The following ZNF226 variants were observed in gnomAD, a reference collection of about 807,000 sequenced individuals.
ZNF226 encodes zinc finger protein 226, also known as Kruppel-associated box protein.
Under a neutral mutation model 11.4 loss-of-function variants are expected in ZNF226, and 6 were observed. The ratio of observed to expected loss-of-function variants is 0.53; its 90% confidence interval spans 0.29 to 1.04. The LOEUF is 1.04. Ranked by LOEUF, ZNF226 falls within the 50% of genes least tolerant of loss-of-function variation. The pLI is 0.08. For synonymous variants in ZNF226, 350 were observed against 322.8 expected (o/e 1.08, Z -0.90); for missense variants, 1,058 against 956.5 (o/e 1.11, Z -1.40).
chr19:44,188,056 T>G, the ZNF226 span, among the ~76,000 whole-genome samples: 314 of 152,282 alleles, frequency 2.1e-3, 1 homozygote, highest in South Asian at 7.2e-3. Flanking sequence ...TGGTCTATCT[T>G]GGAGAATGTT....
intron 4 of ZNF226, chr19:44,172,658 A>G (rs1159199390): frequency 1.8e-6 from 1 of 550,636 alleles, no homozygotes; most frequent in Admixed American, 3.5e-5. Context: ...TAGGTTATTC[A>G]AACTTGGTTT....
At chr19:44,166,814 C>T (rs1471559476) in intron 2 of ZNF226, 1 of 152,180 alleles carries the variant, frequency 6.6e-6, no homozygotes, top group Non-Finnish European at 1.5e-5. Flanking sequence ...TTGAGCCCTA[C>T]CGAAGGCCTT....
chr19:44,179,718 T>TG (rs1970877986), downstream of ZNF226, among the ~76,000 whole-genome samples: 1 of 152,012 alleles, frequency 6.6e-6, no homozygotes, highest in Admixed American at 6.6e-5. Context: ...TTGGTCTGAT[T>TG]GGGGGAAATG....
the ZNF226 span, among the ~76,000 whole-genome samples, chr19:44,199,293 G>A: frequency 6.6e-6 from 1 of 151,530 alleles, no homozygotes; most frequent in African/African-American, 2.4e-5. Context: ...TCCAGCCTCT[G>A]CCTCCCAAGT....
rs1262041837 is a variant in ZNF226 at position 44,177,471 on chromosome 19, A to G, written c.2209A>G (p.Ser737Gly). Reference protein sequence around the residue: ...YKCDVCGKVFSRSSQLQSHQR... With the variant: ...YKCDVCGKVFGRSSQLQSHQR... ...ATGTGATGTGTGTGGTAAAGTCTTC[A>G]GTCGGTCTTCACAACTACAGTCTCA... Residue 737 changes from serine to glycine, a missense_variant, in exon 6 of 6, where the codon AGT (serine) becomes GGT (glycine). Coordinates refer to ENST00000337433, the MANE Select transcript of ZNF226 (RefSeq NM_001032373.2). 2.5e-6 allele frequency: 4 copies of G among 1,614,240 alleles called. No homozygotes were observed. The highest frequency in any genetic ancestry group is 3.3e-5 in the Admixed American group (2 of 60,024).
At position 44,170,113 on chromosome 19, in the gene ZNF226, T is replaced by G. The variant is rs750622394; in HGVS notation, c.15+18T>G. On this transcript the variant is annotated intron_variant, in intron 3 of 5. Coordinates refer to ENST00000337433, the MANE Select transcript of ZNF226 (RefSeq NM_001032373.2). ...TGTTCAAGGTGAGTAGAGCTTGCCT[T>G]TCCCAGCTGTTAAAAATACCATTTT... is the stretch of plus-strand genomic sequence containing the variant. 1 of 1,611,172 alleles carries G rather than the reference T, an allele frequency of 6.2e-7. No homozygotes were observed. Among genetic ancestry groups the G allele is most frequent in the South Asian group, 1.1e-5 (1 of 90,628 alleles).
intron 3 of ZNF226, among the ~76,000 whole-genome samples, chr19:44,171,389 C>T (rs1056849387): frequency 6.6e-6 from 1 of 152,086 alleles, no homozygotes; most frequent in African/African-American, 2.4e-5. Context: ...CTCAGTCATA[C>T]CCTGTGTGTT....
At chr19:44,186,070 A>T in the ZNF226 span, among the ~76,000 whole-genome samples, 1 of 152,048 alleles carries the variant, frequency 6.6e-6, no homozygotes, top group African/African-American at 2.4e-5. Context: ...TTGGTTATAT[A>T]TGCAGGGGTT....
the ZNF226 span, among the ~76,000 whole-genome samples, chr19:44,199,322 G>T: frequency 1.2e-4 from 18 of 150,266 alleles, no homozygotes; most frequent in Non-Finnish European, 2.4e-4. Context: ...CTACAGGCAC[G>T]TGCCACCACA....
downstream of ZNF226, among the ~76,000 whole-genome samples, chr19:44,181,168 CAG>C (rs1189542344): frequency 6.6e-6 from 1 of 152,112 alleles, no homozygotes; most frequent in African/African-American, 2.4e-5. Context: ...CTCTTGAGCT[CAG>C]GGGTTCAAGA....
intron 5 of ZNF226, chr19:44,175,090 G>A: frequency 1.2e-6 from 2 of 1,602,600 alleles, no homozygotes; most frequent in South Asian, 2.2e-5. Context: ...AAGAAATGTT[G>A]GAAGGACTCA....
chr19:44,182,374 AACAC>A (rs750892375), downstream of ZNF226, among the ~76,000 whole-genome samples: 9 of 140,952 alleles, frequency 6.4e-5, no homozygotes, highest in Admixed American at 2.8e-4. Flanking sequence ...CACACACACA[AACAC>A]ACACACCTCA....
intron 5 of ZNF226, chr19:44,175,068 C>A: frequency 6.2e-7 from 1 of 1,607,968 alleles, no homozygotes; most frequent in South Asian, 1.1e-5. Context: ...TGTTGGAAGT[C>A]ATTTATATAT....
chr19:44,172,496 G>A, intron 4 of ZNF226: 1 of 391,190 alleles, frequency 2.6e-6, no homozygotes, highest in Non-Finnish European at 4.5e-6. Context: ...CTTATTGAAT[G>A]TCATCAGCAG....
At chr19:44,199,269 G>A in the ZNF226 span, among the ~76,000 whole-genome samples, 944 of 151,312 alleles carry the variant, frequency 6.2e-3, 6 homozygotes, top group Admixed American at 0.013. Flanking sequence ...CTGCCTCCCC[G>A]GCTCAAGTGA....
chr19:44,189,239 CG>C, the ZNF226 span, among the ~76,000 whole-genome samples: 1 of 152,082 alleles, frequency 6.6e-6, no homozygotes, highest in Non-Finnish European at 1.5e-5. Flanking sequence ...AAGAAAGATA[CG>C]AAGTAAAATT....
chr19:44,175,400 C>T (rs529267441), intron 5 of ZNF226, 98 bp from the exon 6 acceptor site: 1 of 1,461,352 alleles, frequency 6.8e-7, no homozygotes, highest in Non-Finnish European at 9.0e-7. Context: ...CAGAACTATC[C>T]CGAGGTTCAT....
At chr19:44,188,593 A>C in the ZNF226 span, among the ~76,000 whole-genome samples, 1 of 152,196 alleles carries the variant, frequency 6.6e-6, no homozygotes, top group Non-Finnish European at 1.5e-5. Flanking sequence ...AAGGGACTTG[A>C]GTATCCATGG....
chr19:44,176,459 C>T lies in ZNF226; in HGVS notation c.1197C>T (p.Ser399=). Residue 399 remains serine, a synonymous_variant, in exon 6 of 6, where the codon AGC becomes AGT. Coordinates refer to ENST00000337433, the MANE Select transcript of ZNF226 (RefSeq NM_001032373.2). ...KPFKCDACGK[S]FSRNSHLQSH... is the part of the protein sequence containing the mutation. ...TCAAATGTGATGCATGTGGTAAGAG[C>T]TTCAGTCGGAATTCACATCTTCAAT... 1 of 1,614,024 alleles carries T rather than the reference C, an allele frequency of 6.2e-7. No individual in the cohort carries two copies. Among genetic ancestry groups the T allele is most frequent in the Non-Finnish European group, 8.5e-7 (1 of 1,180,018 alleles).
Sources: allele counts gnomAD v4.1 joint callset (sites outside exome capture counted in the v4.1 genomes callset), GRCh38; gene constraint gnomAD v4.1.1; transcripts MANE v1.5; gene names NCBI Gene and HGNC (gene_info 2026-07-23, HGNC 2026-07-21).